The following ABI3BP variants were observed in gnomAD, a reference collection of about 807,000 sequenced individuals.
ABI3BP encodes ABI family member 3 binding protein.
In ABI3BP, 216 loss-of-function variants were observed where a neutral mutation model predicts 268.6. That is an observed-to-expected ratio of 0.80 (90% CI 0.72 to 0.90). ABI3BP has a LOEUF of 0.90. Ranked by LOEUF, ABI3BP falls within the 40% of genes least tolerant of loss-of-function variation. The pLI is 0.00. For synonymous variants in ABI3BP, 730 were observed against 730.0 expected, an observed-to-expected ratio of 1.00 and a Z score of 0.00; for missense variants, 2,090 against 2,182.4, an observed-to-expected ratio of 0.96 and a Z score of 0.84.
chr3:100,940,362 C>T lies in ABI3BP; in HGVS notation c.80-13881G>A, dbSNP rs527663942. Among the ~76,000 whole-genome samples, 6 of 152,034 alleles carry T rather than the reference C, an allele frequency of 3.9e-5. No individual in the cohort carries two copies. In the South Asian group the frequency reaches 1.2e-3, roughly 32 times the overall value. ...TTAATTTGGGGAACAAATAAATGTC[C>T]ATGAAATCTTCACAATCCACGTTCT... On this transcript the variant is annotated intron_variant, in intron 1 of 67. Transcript: ENST00000471714.
At chr3:100,811,125 G>C in intron 48 of ABI3BP, 105 bp downstream of exon 48, 2 of 922,764 alleles carry the variant, frequency 2.2e-6, no homozygotes, top group Non-Finnish European at 3.1e-6. Flanking sequence ...ATGGCGAAGA[G>C]TGACGGTGTA....
At chr3:100,859,265 C>A (rs996795363) in intron 14 of ABI3BP, among the ~76,000 whole-genome samples, 1 of 152,120 alleles carries the variant, frequency 6.6e-6, no homozygotes, top group Admixed American at 6.5e-5. Flanking sequence ...AGAATGTGCT[C>A]ATTTGGCTGT....
chr3:100,912,425 T>C (rs2057060761), intron 2 of ABI3BP, among the ~76,000 whole-genome samples: 1 of 152,052 alleles, frequency 6.6e-6, no homozygotes, highest in African/African-American at 2.4e-5. Flanking sequence ...CTTAGTTTTA[T>C]ATAAAATAGA....
chr3:100,809,784 A>C (rs944837528), intron 49 of ABI3BP, among the ~76,000 whole-genome samples: 1 of 152,128 alleles, frequency 6.6e-6, no homozygotes, highest in Non-Finnish European at 1.5e-5. Context: ...TTTTTAAAAC[A>C]AGAAGCATAT....
chr3:100,926,095 G>C (rs2061725094), intron 2 of ABI3BP, among the ~76,000 whole-genome samples: 1 of 151,980 alleles, frequency 6.6e-6, no homozygotes, highest in Admixed American at 6.6e-5. Flanking sequence ...GGAGAATGAA[G>C]ATAACTATTT....
chr3:100,970,077 A>C (rs1423770736), intron 1 of ABI3BP, among the ~76,000 whole-genome samples: 1 of 152,194 alleles, frequency 6.6e-6, no homozygotes. Context: ...TTCTTGCTGC[A>C]GCCTAAAATC....
At chr3:100,834,406 T>C (rs1214833274) in intron 29 of ABI3BP, among the ~76,000 whole-genome samples, 2 of 152,148 alleles carry the variant, frequency 1.3e-5, no homozygotes, top group Non-Finnish European at 2.9e-5. Flanking sequence ...ACTAGACACC[T>C]AATCAGGTCA....
At position 100,862,917 on chromosome 3, in the gene ABI3BP, G is replaced by A; in HGVS notation, c.1139-8C>T. The stretch of plus-strand genomic sequence containing the variant: ...CTGGAAGGCTTTTTGGAGCTGTAAT[G>A]AAACACATAAAGAAAGTTACGACCT... On this transcript the variant is annotated splice_polypyrimidine_tract_variant and splice_region_variant and intron_variant, in intron 12 of 67. Transcript: ENST00000471714. 1 of 1,532,862 alleles carries A rather than the reference G, an allele frequency of 6.5e-7. No homozygotes were observed. Among genetic ancestry groups the A allele is most frequent in the Non-Finnish European group, 8.7e-7 (1 of 1,144,498 alleles). 95.0% of individuals were successfully genotyped at this position (1,532,862 alleles called of 1,614,324 possible).
At chr3:100,824,791 A>G in intron 36 of ABI3BP, 67 bp downstream of exon 36, 3 of 1,349,626 alleles carry the variant, frequency 2.2e-6, no homozygotes, top group Non-Finnish European at 3.0e-6. Flanking sequence ...CAGCATTGAC[A>G]CTGCTTCAGT....
chr3:100,831,332 C>T (rs2098489300), intron 31 of ABI3BP, among the ~76,000 whole-genome samples: 1 of 151,998 alleles, frequency 6.6e-6, no homozygotes, highest in Admixed American at 6.6e-5. Context: ...AAGGTGTTAA[C>T]TCCAGGAGCA....
chr3:100,909,610 A>C (rs1419937340), intron 2 of ABI3BP, among the ~76,000 whole-genome samples: 2 of 152,256 alleles, frequency 1.3e-5, no homozygotes, highest in Non-Finnish European at 2.9e-5. Context: ...TGGGCGAAGG[A>C]CATGAACAGA....
intron 36 of ABI3BP, among the ~76,000 whole-genome samples, chr3:100,823,798 G>A (rs539362335): frequency 6.6e-6 from 1 of 152,236 alleles, no homozygotes; most frequent in South Asian, 2.1e-4. Flanking sequence ...ATGGAAAACT[G>A]CACTGGAAAA....
At chr3:100,840,301 T>C (rs1439543174) in intron 22 of ABI3BP, 137 bp from the exon 23 acceptor site, 1 of 660,482 alleles carries the variant, frequency 1.5e-6, no homozygotes, top group Admixed American at 3.4e-5. Flanking sequence ...TGCAAACTTC[T>C]ATCATTATTT....
intron 61 of ABI3BP, 63 bp downstream of exon 61, chr3:100,774,542 T>C: frequency 7.6e-7 from 1 of 1,310,480 alleles, no homozygotes; most frequent in Non-Finnish European, 1.0e-6. Flanking sequence ...CAGCAATAAC[T>C]GGCTGATACA....
chr3:100,968,634 G>A (rs1396561779), intron 1 of ABI3BP, among the ~76,000 whole-genome samples: 1 of 152,158 alleles, frequency 6.6e-6, no homozygotes, highest in Non-Finnish European at 1.5e-5. Flanking sequence ...TCTCTTAAGT[G>A]ACAGCTATTT....
chr3:100,931,534 T>G (rs145941697), intron 1 of ABI3BP, among the ~76,000 whole-genome samples: 39 of 151,990 alleles, frequency 2.6e-4, no homozygotes, highest in African/African-American at 8.4e-4. Flanking sequence ...TGGACAAAAA[T>G]TAGTAGCATT....
intron 31 of ABI3BP, among the ~76,000 whole-genome samples, chr3:100,830,919 A>C (rs562433743): frequency 3.1e-4 from 47 of 152,196 alleles, no homozygotes; most frequent in Non-Finnish European, 6.2e-4. Flanking sequence ...GATTCGAATG[A>C]ACACTAGAAA....
chr3:100,812,334 C>T (rs1226558644), intron 46 of ABI3BP, 133 bp downstream of exon 46: 2 of 479,624 alleles, frequency 4.2e-6, no homozygotes, highest in African/African-American at 4.0e-5. Context: ...TCAAGACCCA[C>T]TGGATGAGCA....
chr3:100,821,251 A>T (rs904629096), intron 38 of ABI3BP, 138 bp from the exon 39 acceptor site: 4 of 713,626 alleles, frequency 5.6e-6, no homozygotes, highest in Admixed American at 5.5e-5. Context: ...GTTAAAACTA[A>T]AAAAGTAGAC....
Sources: gnomAD v4.1 joint callset for allele counts (sites outside exome capture counted in the v4.1 genomes callset) on GRCh38, gnomAD v4.1.1 for gene constraint, MANE v1.5 for transcripts, NCBI Gene and HGNC (gene_info 2026-07-23, HGNC 2026-07-21) for gene names.